The following TAFA1 variants were observed in gnomAD, a reference collection of about 807,000 sequenced individuals.
TAFA1 encodes TAFA chemokine like family member 1.
TAFA1 carries 4 observed loss-of-function variants against 18.5 expected under a neutral mutation model. That is an observed-to-expected ratio of 0.22 (90% CI 0.11 to 0.49). TAFA1 has a LOEUF of 0.49. Ranked by LOEUF, TAFA1 falls within the 20% of genes least tolerant of loss-of-function variation. The pLI is 0.98. For synonymous variants in TAFA1, 56 were observed against 55.2 expected, an observed-to-expected ratio of 1.01 and a Z score of -0.06; for missense variants, 147 against 169.0, an observed-to-expected ratio of 0.87 and a Z score of 0.72.
rs150801465 is a variant in TAFA1, at chr3:68,139,176, A to T, written c.118+132432A>T. Among the ~76,000 whole-genome samples the T allele has an allele frequency of 2.4e-4, 37 of 152,336 alleles. No individual in the cohort carries two copies. The East Asian group carries it at 6.7e-3, about 28-fold the overall frequency. ...CATTGTTATATCCATCATTATATAC[A>T]TAATATTTATTTATGTTATCTCTTG... On this transcript the variant is annotated intron_variant, in intron 2 of 4. Transcript: ENST00000478136.
intron 2 of TAFA1, among the ~76,000 whole-genome samples, chr3:68,388,113 C>G (rs769711016): frequency 2.0e-5 from 3 of 152,106 alleles, no homozygotes; most frequent in Non-Finnish European, 2.9e-5. Flanking sequence ...TAAAATTCCT[C>G]TTGTTTTAAC....
chr3:68,048,008 A>C (rs556505470), intron 2 of TAFA1, among the ~76,000 whole-genome samples: 31 of 152,224 alleles, frequency 2.0e-4, no homozygotes, highest in African/African-American at 7.5e-4. Context: ...GAGGAACCCA[A>C]GCTTAATTGT....
chr3:68,409,242 T>C (rs1329249010), intron 2 of TAFA1, among the ~76,000 whole-genome samples: 1 of 152,170 alleles, frequency 6.6e-6, no homozygotes, highest in Non-Finnish European at 1.5e-5. Flanking sequence ...CCGGAAAGTC[T>C]GCTGTTGTGA....
chr3:68,416,671 T>A (rs2070844461), intron 2 of TAFA1, among the ~76,000 whole-genome samples: 1 of 152,220 alleles, frequency 6.6e-6, no homozygotes, highest in Admixed American at 6.5e-5. Context: ...GCTGTTACAA[T>A]TAAGTCAAGC....
chr3:68,099,321 C>A (rs184880994), intron 2 of TAFA1, among the ~76,000 whole-genome samples: 1 of 152,020 alleles, frequency 6.6e-6, no homozygotes, highest in African/African-American at 2.4e-5. Context: ...ACCAAAATGA[C>A]CCCGTTTAAA....
intron 2 of TAFA1, among the ~76,000 whole-genome samples, chr3:68,127,964 T>C (rs2065491092): frequency 1.3e-5 from 2 of 151,876 alleles, no homozygotes; most frequent in African/African-American, 4.8e-5. Flanking sequence ...ATGGAAGTGG[T>C]GATGGTGGTG....
chr3:68,412,182 G>T (rs1006569564), intron 2 of TAFA1, among the ~76,000 whole-genome samples: 2 of 152,092 alleles, frequency 1.3e-5, no homozygotes, highest in African/African-American at 2.4e-5. Context: ...TGGAGCATTT[G>T]TCATTTCTCA....
intron 2 of TAFA1, among the ~76,000 whole-genome samples, chr3:68,232,366 C>G (rs2066882323): frequency 6.6e-6 from 1 of 152,194 alleles, no homozygotes; most frequent in Admixed American, 6.5e-5. Context: ...GTCCTCCAGG[C>G]TCATATTGCC....
intron 2 of TAFA1, among the ~76,000 whole-genome samples, chr3:68,011,850 C>T (rs1293154506): frequency 6.6e-6 from 1 of 152,048 alleles, no homozygotes; most frequent in Non-Finnish European, 1.5e-5. Flanking sequence ...TTGATCAGAC[C>T]CTATAATATC....
At chr3:68,473,549 T>C (rs1334605037) in intron 3 of TAFA1, among the ~76,000 whole-genome samples, 1 of 152,262 alleles carries the variant, frequency 6.6e-6, no homozygotes, top group African/African-American at 2.4e-5. Context: ...ATTTCCATCA[T>C]GAAACTTGCT....
At chr3:68,452,776 C>T (rs2071587838) in intron 3 of TAFA1, among the ~76,000 whole-genome samples, 1 of 152,068 alleles carries the variant, frequency 6.6e-6, no homozygotes, top group Non-Finnish European at 1.5e-5. Context: ...ATTGAACATG[C>T]CCATTTAACA....
At chr3:68,397,603 GA>G (rs1164946223) in intron 2 of TAFA1, among the ~76,000 whole-genome samples, 1 of 152,144 alleles carries the variant, frequency 6.6e-6, no homozygotes, top group Non-Finnish European at 1.5e-5. Context: ...TTGCTATTGT[GA>G]ACAGTGACAC....
chr3:68,261,516 A>T (rs1388720517), intron 2 of TAFA1, among the ~76,000 whole-genome samples: 1 of 152,240 alleles, frequency 6.6e-6, no homozygotes, highest in East Asian at 1.9e-4. Context: ...GAACCAACCC[A>T]AATGTCCAAC....
intron 3 of TAFA1, among the ~76,000 whole-genome samples, chr3:68,431,563 G>A (rs114571219): frequency 0.011 from 1,738 of 152,084 alleles, 41 homozygotes; most frequent in South Asian, 0.038. Flanking sequence ...TAGCTACCAG[G>A]TTGGAGAGTC....
At chr3:68,247,209 C>T (rs2067098213) in intron 2 of TAFA1, among the ~76,000 whole-genome samples, 1 of 152,174 alleles carries the variant, frequency 6.6e-6, no homozygotes, top group South Asian at 2.1e-4. Context: ...AATGTTCCCT[C>T]AGATACTAAC....
intron 2 of TAFA1, among the ~76,000 whole-genome samples, chr3:68,381,781 G>T (rs1220365402): frequency 2.6e-5 from 4 of 152,082 alleles, no homozygotes; most frequent in African/African-American, 9.7e-5. Flanking sequence ...CTGCCTGATT[G>T]CCCTGGCCAG....
intron 3 of TAFA1, among the ~76,000 whole-genome samples, chr3:68,426,508 A>G (rs1049975918): frequency 6.6e-6 from 1 of 151,932 alleles, no homozygotes; most frequent in African/African-American, 2.4e-5. Context: ...TAAACATGGA[A>G]AAAATGCTTA....
rs1021904942 is a variant in TAFA1 at position 68,384,790 on chromosome 3, G to A, written c.119-32490G>A. On this transcript the variant is annotated intron_variant, in intron 2 of 4. Coordinates refer to ENST00000478136, the MANE Select transcript of TAFA1 (RefSeq NM_213609.4). ...TGTTAAAATCTCTTACTATTATTGT[G>A]TGGGAGTCTAAGTCTCTTCTAAGGT... Among the ~76,000 whole-genome samples the A allele has an allele frequency of 8.6e-5, 13 of 151,944 alleles. 1 individual carries two copies. The highest frequency in any genetic ancestry group is 7.9e-4 in the Admixed American group (12 of 15,212).
rs902777983 is a variant in TAFA1 at position 68,461,400 on chromosome 3, T to G, written c.259+43980T>G. Among the ~76,000 whole-genome samples, 4 of 147,506 alleles carry G rather than the reference T, an allele frequency of 2.7e-5. No individual in the cohort carries two copies. In the East Asian group the frequency reaches 8.3e-4, roughly 31 times the overall value. On this transcript the variant is annotated intron_variant, in intron 3 of 4. Transcript: ENST00000478136. ...ATATATGTATGTATGTATATATCCA[T>G]CCCATCTAGAGATTTTTAGCTAGTT...
Sources: allele counts gnomAD v4.1 joint callset (sites outside exome capture counted in the v4.1 genomes callset), GRCh38; gene constraint gnomAD v4.1.1; transcripts MANE v1.5; gene names NCBI Gene and HGNC (gene_info 2026-07-23, HGNC 2026-07-21).